Variants in BICC1 observed in about 807,000 individuals in gnomAD.
BICC1 encodes the protein BicC family RNA binding protein 1, also known as protein bicaudal C homolog 1.
A neutral mutation model predicts 111.0 loss-of-function variants in BICC1; 43 were observed. That is an observed-to-expected ratio of 0.39 (90% CI 0.30 to 0.50). BICC1 has a LOEUF of 0.50. Ranked by LOEUF, BICC1 falls within the 20% of genes least tolerant of loss-of-function variation. The pLI is 0.88. For missense variants in BICC1, 1,091 were observed against 1,203.2 expected (o/e 0.91, Z 1.38); for synonymous variants, 467 against 434.4 (o/e 1.07, Z -0.93).
chr10:58,587,792 CTT>C (rs1844478348), intron 1 of BICC1, among the ~76,000 whole-genome samples: 1 of 152,122 alleles, frequency 6.6e-6, no homozygotes, highest in Admixed American at 6.5e-5. Flanking sequence ...TTTATTCTGA[CTT>C]TGAGTCAGTT....
chr10:58,516,991 T>C (rs1842258780), intron 1 of BICC1, among the ~76,000 whole-genome samples: 1 of 152,210 alleles, frequency 6.6e-6, no homozygotes, highest in Non-Finnish European at 1.5e-5. Context: ...CCTATATTAA[T>C]ACTTTTCTTT....
intron 3 of BICC1, among the ~76,000 whole-genome samples, chr10:58,731,525 T>TA (rs2132558450): frequency 6.6e-6 from 1 of 152,320 alleles, no homozygotes; most frequent in East Asian, 1.9e-4. Flanking sequence ...CTTGCACTGT[T>TA]ATAATAAAAA....
At chr10:58,734,936 C>T (rs1841423323) in intron 3 of BICC1, among the ~76,000 whole-genome samples, 1 of 152,158 alleles carries the variant, frequency 6.6e-6, no homozygotes, top group Non-Finnish European at 1.5e-5. Flanking sequence ...TACTGTCCAT[C>T]AAGCAGATCT....
Position 58,798,406 on chromosome 10 carries a change from G to T in BICC1, c.1374G>T (p.Leu458Phe), listed in dbSNP as rs969814431. The T allele has an allele frequency of 1.9e-6, 3 of 1,568,472 alleles. No homozygotes were observed. Among genetic ancestry groups the T allele is most frequent in the Non-Finnish European group, 2.6e-6 (3 of 1,161,836 alleles). The change falls in exon 11 of 21, where the codon TTG (leucine) becomes TTT (phenylalanine). Residue 458 changes from leucine to phenylalanine, a missense_variant. By Grantham distance (22) the Leu-to-Phe change is conservative. Around this residue, in one of 3 missense-constraint regions of BICC1, gnomAD observed 843 missense variants for 900.8 expected, o/e 0.94. Transcript: ENST00000373886. ...AGLGLTGLGL[L>F]GPTTLSLNTS... Reference sequence around the variant, plus strand: ...TATATTCATTTATTACAGGTCTTTTGGGACCCACCACCTTATCTCTGAACA... The same window carrying T: ...TATATTCATTTATTACAGGTCTTTTTGGACCCACCACCTTATCTCTGAACA...
chr10:58,738,192 G>C (rs1589083090), intron 3 of BICC1, among the ~76,000 whole-genome samples: 1 of 152,110 alleles, frequency 6.6e-6, no homozygotes, highest in Admixed American at 6.6e-5. Flanking sequence ...GTATTGCCTA[G>C]GTTTTCTTCT....
At chr10:58,799,712 T>C (rs1032309616) in intron 12 of BICC1, among the ~76,000 whole-genome samples, 3 of 146,472 alleles carry the variant, frequency 2.0e-5, no homozygotes, top group Non-Finnish European at 4.5e-5. Context: ...TATATTTCTA[T>C]TTTTTTTTTA....
intron 1 of BICC1, among the ~76,000 whole-genome samples, chr10:58,552,826 G>A (rs1482188908): frequency 6.6e-6 from 1 of 152,114 alleles, no homozygotes; most frequent in Non-Finnish European, 1.5e-5. Context: ...CTAAAATTCT[G>A]ATTGATATTG....
intron 3 of BICC1, among the ~76,000 whole-genome samples, chr10:58,725,094 A>T (rs191288123): frequency 6.6e-6 from 1 of 152,078 alleles, no homozygotes; most frequent in African/African-American, 2.4e-5. Flanking sequence ...TTATCTAGAC[A>T]TTTCTGCCTT....
At chr10:58,676,671 C>A (rs1478159751) in intron 2 of BICC1, among the ~76,000 whole-genome samples, 2 of 152,090 alleles carry the variant, frequency 1.3e-5, no homozygotes, top group Non-Finnish European at 2.9e-5. Context: ...AGCAGCGGAT[C>A]TCCCAGCACA....
intron 1 of BICC1, among the ~76,000 whole-genome samples, chr10:58,583,584 C>CTCTG (rs1219991922): frequency 5.3e-4 from 74 of 139,344 alleles, no homozygotes; most frequent in South Asian, 5.0e-4. Context: ...TTCTCTCTCT[C>CTCTG]TGTGTGTGTG....
At chr10:58,606,330 G>A (rs578147360) in intron 1 of BICC1, among the ~76,000 whole-genome samples, 17 of 149,610 alleles carry the variant, frequency 1.1e-4, no homozygotes, top group South Asian at 6.3e-4. Context: ...GCAACTTAGC[G>A]TGCCTGAAAA....
intron 2 of BICC1, among the ~76,000 whole-genome samples, chr10:58,693,850 A>G (rs946121076): frequency 2.2e-4 from 33 of 152,062 alleles, no homozygotes; most frequent in Non-Finnish European, 3.8e-4. Context: ...TGCTGTGCAG[A>G]AGCTCTTTAG....
At chr10:58,784,697 A>C (rs1186869541) in intron 3 of BICC1, among the ~76,000 whole-genome samples, 1 of 152,132 alleles carries the variant, frequency 6.6e-6, no homozygotes, top group African/African-American at 2.4e-5. Flanking sequence ...TATAAAAAAA[A>C]ATTATATGAT....
At chr10:58,541,315 C>T (rs1202796414) in intron 1 of BICC1, among the ~76,000 whole-genome samples, 2 of 152,068 alleles carry the variant, frequency 1.3e-5, no homozygotes, top group Non-Finnish European at 2.9e-5. Context: ...ATTCCACACA[C>T]ACACATAAAA....
chr10:58,601,143 T>C (rs544577447), intron 1 of BICC1, among the ~76,000 whole-genome samples: 1 of 103,638 alleles, frequency 9.6e-6, no homozygotes, highest in Non-Finnish European at 1.9e-5. Context: ...TTAAAACTTA[T>C]ATATATATAT....
chr10:58,669,242 T>C (rs1482096771), intron 2 of BICC1, among the ~76,000 whole-genome samples: 1 of 152,032 alleles, frequency 6.6e-6, no homozygotes, highest in Non-Finnish European at 1.5e-5. Flanking sequence ...TTGAGCCTCA[T>C]GTAAGCGCAC....
At chr10:58,517,411 C>G (rs1300945963) in intron 1 of BICC1, among the ~76,000 whole-genome samples, 1 of 152,076 alleles carries the variant, frequency 6.6e-6, no homozygotes, top group African/African-American at 2.4e-5. Flanking sequence ...TATGTTATCT[C>G]TTTAATTCAG....
At chr10:58,677,469 T>C (rs1483282096) in intron 2 of BICC1, among the ~76,000 whole-genome samples, 1 of 150,684 alleles carries the variant, frequency 6.6e-6, no homozygotes, top group Non-Finnish European at 1.5e-5. Flanking sequence ...GAAGATCAGC[T>C]TAATAAAGTG....
chr10:58,562,931 T>G (rs1218866141), intron 1 of BICC1, among the ~76,000 whole-genome samples: 1 of 152,120 alleles, frequency 6.6e-6, no homozygotes, highest in Non-Finnish European at 1.5e-5. Flanking sequence ...GGCACAGCTT[T>G]TTTGGTGTGG....
Sources: allele counts gnomAD v4.1 joint callset (sites outside exome capture counted in the v4.1 genomes callset), GRCh38; gene constraint gnomAD v4.1.1; regional missense constraint gnomAD v4.1.1; transcripts MANE v1.5; gene names NCBI Gene and HGNC (gene_info 2026-07-23, HGNC 2026-07-21).